The following KIAA1217 variants were observed in gnomAD, a reference collection of about 807,000 sequenced individuals.
The protein encoded by KIAA1217 is KIAA1217.
A neutral mutation model predicts 163.9 loss-of-function variants in KIAA1217; 88 were observed. The ratio of observed to expected loss-of-function variants is 0.54; its 90% CI spans 0.45 to 0.64. The LOEUF is 0.64. Ranked by LOEUF, KIAA1217 falls within the 30% of genes least tolerant of loss-of-function variation. KIAA1217 has a pLI of 0.00. For missense variants in KIAA1217, 2,372 were observed against 2,475.0 expected (o/e 0.96, Z 0.88); for synonymous variants, 903 against 923.1 (o/e 0.98, Z 0.39).
intron 9 of KIAA1217, among the ~76,000 whole-genome samples, chr10:24,502,026 G>A (rs1309471832): frequency 6.6e-6 from 1 of 152,002 alleles, no homozygotes; most frequent in Non-Finnish European, 1.5e-5. Context: ...TGGGATTACA[G>A]TCTTGAGCCA....
rs543749867 is a variant in KIAA1217 at position 23,707,869 on chromosome 10, G to A, written c.-321+12635G>A. 3.3e-5 allele frequency among the ~76,000 whole-genome samples: 5 copies of A among 152,116 alleles called. No individual in the cohort carries two copies. In the South Asian group the frequency reaches 8.3e-4, roughly 25 times the overall value. ...TTCCATTCCAGTTCTTTACATTTTT[G>A]AGACTCAAAGTGGAGGCAAGAGAGA... On this transcript the variant is annotated intron_variant, in intron 1 of 18. Coordinates refer to the KIAA1217 transcript ENST00000376462.
At chr10:24,399,633 C>G (rs1189611884) in intron 3 of KIAA1217, among the ~76,000 whole-genome samples, 1 of 152,144 alleles carries the variant, frequency 6.6e-6, no homozygotes, top group Non-Finnish European at 1.5e-5. Flanking sequence ...CTGGGTCCAT[C>G]AGATCTAAGA....
chr10:23,705,910 A>G (rs920760917), intron 1 of KIAA1217, among the ~76,000 whole-genome samples: 6 of 152,172 alleles, frequency 3.9e-5, no homozygotes, highest in African/African-American at 1.4e-4. Flanking sequence ...ATGGCTTTCC[A>G]TTTATTAAGG....
chr10:24,233,873 C>A (rs2071799112), intron 2 of KIAA1217, among the ~76,000 whole-genome samples: 1 of 152,140 alleles, frequency 6.6e-6, no homozygotes, highest in African/African-American at 2.4e-5. Flanking sequence ...TCTCCCATAT[C>A]ATTGTATTTT....
intron 1 of KIAA1217, among the ~76,000 whole-genome samples, chr10:23,817,917 C>G (rs2131001674): frequency 7.0e-6 from 1 of 143,340 alleles, no homozygotes; most frequent in East Asian, 2.1e-4. Context: ...TAGCTAGACT[C>G]TGTCTCTACA....
chr10:24,003,842 G>A (rs922346850), intron 1 of KIAA1217, among the ~76,000 whole-genome samples: 2 of 152,150 alleles, frequency 1.3e-5, no homozygotes, highest in Non-Finnish European at 2.9e-5. Context: ...TGTTTCCAAA[G>A]TATTTTAATT....
chr10:24,292,781 G>A (rs2079216342), intron 2 of KIAA1217, among the ~76,000 whole-genome samples: 1 of 152,148 alleles, frequency 6.6e-6, no homozygotes. Context: ...GGATATCGCA[G>A]CCTGAGTGAG....
intron 2 of KIAA1217, among the ~76,000 whole-genome samples, chr10:24,293,916 G>A (rs1318004609): frequency 3.3e-5 from 5 of 152,126 alleles, no homozygotes; most frequent in African/African-American, 7.2e-5. Flanking sequence ...GTTCCTGGCC[G>A]GGTGCGGTGG....
At chr10:23,888,082 G>A (rs4534469) in intron 1 of KIAA1217, among the ~76,000 whole-genome samples, 5,147 of 151,894 alleles carry the variant, frequency 0.034, 119 homozygotes, top group Middle Eastern at 0.12. Context: ...TTTGCAAAAC[G>A]GAATACAGTC....
At chr10:24,421,194 C>T (rs1293485522) in intron 3 of KIAA1217, among the ~76,000 whole-genome samples, 1 of 152,126 alleles carries the variant, frequency 6.6e-6, no homozygotes, top group Non-Finnish European at 1.5e-5. Flanking sequence ...TCAGTAGAGA[C>T]AGGGTTTTAC....
chr10:24,439,653 T>TTC (rs2060328914), intron 5 of KIAA1217, among the ~76,000 whole-genome samples: 1 of 151,176 alleles, frequency 6.6e-6, no homozygotes, highest in African/African-American at 2.4e-5. Flanking sequence ...ATCTTTTCTT[T>TTC]TTTTTTTTTT....
intron 1 of KIAA1217, among the ~76,000 whole-genome samples, chr10:23,908,977 G>A (rs1054757285): frequency 6.6e-5 from 10 of 152,084 alleles, no homozygotes; most frequent in Non-Finnish European, 8.8e-5. Flanking sequence ...CAATCAACGA[G>A]TGGATAAAGA....
intron 2 of KIAA1217, among the ~76,000 whole-genome samples, chr10:24,075,397 T>C (rs900916553): frequency 2.6e-5 from 4 of 151,998 alleles, no homozygotes; most frequent in Non-Finnish European, 5.9e-5. Flanking sequence ...CTGTTTTTAC[T>C]ACATATTTTG....
rs556299625 is a variant in KIAA1217 at position 23,793,365 on chromosome 10, G to T, written c.-321+98131G>T. Among the ~76,000 whole-genome samples, 273 of 152,230 alleles carry T rather than the reference G, an allele frequency of 1.8e-3. 1 individual carries two copies. The highest frequency in any genetic ancestry group is 4.4e-3 in the Admixed American group (67 of 15,280). On this transcript the variant is annotated intron_variant, in intron 1 of 18. Transcript: ENST00000376462. Reference sequence around the variant, plus strand: ...CCGGTGCGTTCTGTGCTTTTGCCTTGGGCATGATTATTCCATGTCACTGAT... The same window carrying T: ...CCGGTGCGTTCTGTGCTTTTGCCTTTGGCATGATTATTCCATGTCACTGAT...
intron 5 of KIAA1217, among the ~76,000 whole-genome samples, chr10:24,469,114 TTTTATTTTATTTTAC>T (rs2063230451): frequency 6.6e-6 from 1 of 152,070 alleles, no homozygotes; most frequent in Non-Finnish European, 1.5e-5. Context: ...GAATATTTTA[TTTTATTTTATTTTAC>T]TTTATTTTAT....
chr10:24,422,760 C>T (rs2058834029), intron 3 of KIAA1217, among the ~76,000 whole-genome samples: 1 of 150,858 alleles, frequency 6.6e-6, no homozygotes, highest in Admixed American at 6.7e-5. Context: ...TTGTCTGAAA[C>T]AAAACAAAGT....
At position 24,473,794 on chromosome 10, in the gene KIAA1217, C is replaced by T. The variant is rs753379565; in HGVS notation, c.1413C>T (p.Pro471=). The T allele has an allele frequency of 6.2e-7, 1 of 1,614,124 alleles. No homozygotes were observed. The highest frequency in any genetic ancestry group is 2.2e-5 in the East Asian group (1 of 44,856). Residue 471 remains proline (P), a synonymous_variant, in exon 6 of 21, where the codon CCC becomes CCT. Transcript: ENST00000376454. The part of the protein sequence containing the change: ...SHLPTLGSKT[P]PASPHRVSDL... Reference sequence around the variant, plus strand: ...TGCCTACACTGGGCTCCAAAACACCCCCTGCCTCTCCTCACAGAGTCAGTG... The same window carrying T: ...TGCCTACACTGGGCTCCAAAACACCTCCTGCCTCTCCTCACAGAGTCAGTG...
At position 24,504,311 on chromosome 10, in the gene KIAA1217, A is replaced by T. The variant is rs182524583; in HGVS notation, c.2001+2766A>T. On this transcript the variant is annotated intron_variant, in intron 9 of 20. Coordinates refer to ENST00000376454, the MANE Select transcript of KIAA1217 (RefSeq NM_019590.5). ...AGCAAATGTGCTTTTGAGCCTGGGAAGTTGGGCAGTTCTAAAGCGCAGACT... is the reference window on the plus strand; with the variant it reads ...AGCAAATGTGCTTTTGAGCCTGGGATGTTGGGCAGTTCTAAAGCGCAGACT... Among the ~76,000 whole-genome samples the T allele has an allele frequency of 2.6e-5, 4 of 152,306 alleles. No homozygotes were observed. In the East Asian group the frequency reaches 7.7e-4, roughly 29 times the overall value.
intron 1 of KIAA1217, among the ~76,000 whole-genome samples, chr10:23,895,243 C>A (rs963289915): frequency 6.6e-6 from 1 of 152,138 alleles, no homozygotes; most frequent in South Asian, 2.1e-4. Context: ...AACTATTCAT[C>A]TGACAAAGGG....
Sources: gnomAD v4.1 joint callset for allele counts (sites outside exome capture counted in the v4.1 genomes callset) on GRCh38, gnomAD v4.1.1 for gene constraint, MANE v1.5 for transcripts, NCBI Gene and HGNC (gene_info 2026-07-23, HGNC 2026-07-21) for gene names.